LINGO2: variants seen among roughly 807,000 people sequenced by gnomAD.
LINGO2 encodes the protein leucine rich repeat and Ig domain containing 2.
Under a neutral mutation model 30.6 loss-of-function variants are expected in LINGO2, and 14 were observed. The ratio of observed to expected loss-of-function variants is 0.46; its 90% CI spans 0.30 to 0.72. The LOEUF is 0.72. Among genes scored for constraint, LINGO2 ranks in the 30% least tolerant of loss-of-function variants. The probability of loss-of-function intolerance (pLI) is 0.07; values close to 1 mark genes in which losing one functional copy is unlikely to be tolerated. For missense variants in LINGO2, 729 were observed against 751.7 expected (o/e 0.97, Z 0.35); for synonymous variants, 317 against 288.5 (o/e 1.10, Z -1.00).
the LINGO2 span, among the ~76,000 whole-genome samples, chr9:29,088,431 A>C: frequency 6.6e-6 from 1 of 152,158 alleles, no homozygotes; most frequent in East Asian, 1.9e-4. Context: ...ATGACTATAA[A>C]GGCATCCATG....
At chr9:27,970,870 G>A (rs945404114) in intron 5 of LINGO2, among the ~76,000 whole-genome samples, 2 of 151,166 alleles carry the variant, frequency 1.3e-5, no homozygotes, top group African/African-American at 4.9e-5. Flanking sequence ...AAAGAGAATA[G>A]GGCATTTTGA....
At chr9:29,083,125 C>G in the LINGO2 span, among the ~76,000 whole-genome samples, 4 of 152,132 alleles carry the variant, frequency 2.6e-5, no homozygotes, top group Admixed American at 6.6e-5. Context: ...TATAAAGACA[C>G]ATGCACACGT....
chr9:28,347,145 T>C (rs914474492), intron 3 of LINGO2, among the ~76,000 whole-genome samples: 1 of 152,204 alleles, frequency 6.6e-6, no homozygotes, highest in Non-Finnish European at 1.5e-5. Flanking sequence ...TGTGAATCCA[T>C]GGTTACATTT....
chr9:28,484,841 C>T (rs1159322158), intron 1 of LINGO2, among the ~76,000 whole-genome samples: 1 of 152,082 alleles, frequency 6.6e-6, no homozygotes, highest in African/African-American at 2.4e-5. Flanking sequence ...CAGAGAGAGA[C>T]ATCATCTACA....
intron 4 of LINGO2, among the ~76,000 whole-genome samples, chr9:28,167,611 C>G (rs774183861): frequency 5.3e-5 from 8 of 152,108 alleles, no homozygotes; most frequent in Non-Finnish European, 1.0e-4. Context: ...GGCCTGGAAC[C>G]CCTGTGCTCA....
At chr9:28,134,606 C>G (rs973612650) in intron 4 of LINGO2, among the ~76,000 whole-genome samples, 76 of 152,272 alleles carry the variant, frequency 5.0e-4, no homozygotes, top group African/African-American at 1.7e-3. Flanking sequence ...GATACACTCT[C>G]TAAGAGTAAG....
At chr9:28,622,136 A>G (rs1390834933) in intron 1 of LINGO2, among the ~76,000 whole-genome samples, 4 of 152,092 alleles carry the variant, frequency 2.6e-5, no homozygotes, top group African/African-American at 9.6e-5. Flanking sequence ...CCATCCTCTC[A>G]ACTGTGTTAC....
chr9:28,995,347 G>A, the LINGO2 span, among the ~76,000 whole-genome samples: 21 of 152,132 alleles, frequency 1.4e-4, no homozygotes, highest in South Asian at 1.2e-3. Context: ...TTACAATGGT[G>A]ATCATTAAAA....
intron 5 of LINGO2, among the ~76,000 whole-genome samples, chr9:27,973,838 T>A (rs1820467689): frequency 1.3e-5 from 2 of 152,196 alleles, no homozygotes; most frequent in South Asian, 2.1e-4. Flanking sequence ...ATTGTATTAG[T>A]GTTTTATCAA....
chr9:29,206,037 T>C, the LINGO2 span, among the ~76,000 whole-genome samples: 250 of 152,360 alleles, frequency 1.6e-3, no homozygotes, highest in Middle Eastern at 6.8e-3. Flanking sequence ...GGTATATCCA[T>C]GTTGTAGCAT....
At chr9:29,042,231 C>T in the LINGO2 span, among the ~76,000 whole-genome samples, 25,376 of 151,788 alleles carry the variant, frequency 0.17, 2,263 homozygotes, top group East Asian at 0.34. Context: ...CCCTTGTCTA[C>T]GGCCATACCA....
At chr9:29,107,896 C>A in the LINGO2 span, among the ~76,000 whole-genome samples, 1 of 144,626 alleles carries the variant, frequency 6.9e-6, no homozygotes, top group South Asian at 2.2e-4. Flanking sequence ...CTTCTAGCCA[C>A]CTGAAAATTA....
At chr9:28,246,398 G>T (rs192760963) in intron 4 of LINGO2, among the ~76,000 whole-genome samples, 1 of 152,242 alleles carries the variant, frequency 6.6e-6, no homozygotes, top group East Asian at 1.9e-4. Context: ...CTGCACTCCA[G>T]TCTGGGTGAC....
the LINGO2 span, among the ~76,000 whole-genome samples, chr9:28,817,950 A>C: frequency 6.6e-6 from 1 of 152,210 alleles, no homozygotes; most frequent in Non-Finnish European, 1.5e-5. Context: ...TCACTTTTCT[A>C]GTCATTCTTC....
chr9:27,949,136 G>C (rs2118273151), exon 6 of LINGO2: 1 of 1,614,150 alleles, frequency 6.2e-7, no homozygotes, highest in Admixed American at 1.7e-5. Flanking sequence ...TAGGGGTCCT[G>C]TTCGCATAAA....
intron 3 of LINGO2, among the ~76,000 whole-genome samples, chr9:28,334,925 G>A (rs1318766938): frequency 6.6e-6 from 1 of 152,142 alleles, no homozygotes; most frequent in Admixed American, 6.5e-5. Flanking sequence ...AGACTTGTTA[G>A]GGGAAACCCA....
chr9:28,957,424 CTG>C, the LINGO2 span, among the ~76,000 whole-genome samples: 7 of 152,298 alleles, frequency 4.6e-5, no homozygotes, highest in South Asian at 1.5e-3. Context: ...TGAAAATTAT[CTG>C]CCTGAAGTAA....
chr9:29,114,026 C>A, the LINGO2 span, among the ~76,000 whole-genome samples: 1 of 151,576 alleles, frequency 6.6e-6, no homozygotes, highest in Non-Finnish European at 1.5e-5. Context: ...GCTCATTCCT[C>A]TCAGCTAACA....
rs180673684 is a variant in LINGO2, at chr9:28,205,561, T to C, written c.-87+89647A>G. On this transcript the variant is annotated intron_variant, in intron 4 of 5. Transcript: ENST00000379992. Reference sequence around the variant, plus strand: ...GTTAACTGTGGGGAGACAACAGCCTTGTCTACTTTGAATATCACATTTTAG... The same window carrying C: ...GTTAACTGTGGGGAGACAACAGCCTCGTCTACTTTGAATATCACATTTTAG... 3.4e-3 allele frequency among the ~76,000 whole-genome samples: 523 copies of C among 152,312 alleles called. 2 individuals are homozygous for C. The highest frequency in any genetic ancestry group is 0.012 in the African/African-American group (502 of 41,560).
Sources: allele counts gnomAD v4.1 joint callset (sites outside exome capture counted in the v4.1 genomes callset), GRCh38; gene constraint gnomAD v4.1.1; transcripts MANE v1.5; gene names NCBI Gene and HGNC (gene_info 2026-07-23, HGNC 2026-07-21).